FBXO16: variants seen among roughly 807,000 people sequenced by gnomAD.
FBXO16 encodes F-box protein 16, also known as F-box only protein 16.
FBXO16 carries 31 observed loss-of-function variants against 41.0 expected under a neutral mutation model. The observed-to-expected ratio is 0.76, with a 90% confidence interval of 0.57 to 1.02. The LOEUF (loss-of-function observed/expected upper bound fraction) is 1.02, where lower values mean the gene tolerates loss of function less well. FBXO16 is among the 50% of genes least tolerant of loss of function. The pLI is 0.00. For synonymous variants in FBXO16, 133 were observed against 117.8 expected (o/e 1.13, Z -0.84); for missense variants, 361 against 346.2 (o/e 1.04, Z -0.34).
intron 7 of FBXO16, among the ~76,000 whole-genome samples, chr8:28,438,965 T>G (rs1802723670): frequency 6.6e-6 from 1 of 151,494 alleles, no homozygotes. Context: ...CCGGGCGTGG[T>G]GGCAAGTGCC....
intron 2 of FBXO16, among the ~76,000 whole-genome samples, chr8:28,478,738 G>A (rs1803461685): frequency 6.6e-6 from 1 of 150,448 alleles, no homozygotes; most frequent in African/African-American, 2.5e-5. Context: ...CAGGAGAATC[G>A]CTTGAACTGG....
At chr8:28,465,148 A>G (rs1170233219) in intron 3 of FBXO16, 1 of 158,010 alleles carries the variant, frequency 6.3e-6, no homozygotes, top group Admixed American at 6.5e-5. Flanking sequence ...GGTCAACTTG[A>G]TATATATTTT....
rs377712178 is a variant in FBXO16, at chr8:28,448,207, G to A, written c.741-934C>T. ...ATTAAAAAATTTAGCTGGGCATGGT[G>A]GTGCATGCCTGTAGTTCCAGCTACT... On this transcript the variant is annotated intron_variant, in intron 6 of 8. Transcript: ENST00000380254. Among the ~76,000 whole-genome samples the A allele has an allele frequency of 2.7e-4, 41 of 151,946 alleles. No homozygotes were observed. In the East Asian group the frequency reaches 6.6e-3, roughly 24 times the overall value.
chr8:28,453,088 G>A (rs1481866284), intron 5 of FBXO16, among the ~76,000 whole-genome samples: 1 of 152,128 alleles, frequency 6.6e-6, no homozygotes, highest in East Asian at 1.9e-4. Flanking sequence ...CAGTTTTCAT[G>A]CATTATATTG....
intron 7 of FBXO16, among the ~76,000 whole-genome samples, chr8:28,433,438 AACTCGTAT>A: frequency 6.6e-6 from 1 of 152,064 alleles, no homozygotes; most frequent in East Asian, 1.9e-4. Flanking sequence ...CCCTCTTCTG[AACTCGTAT>A]ACTTGTGGTC....
intron 7 of FBXO16, among the ~76,000 whole-genome samples, chr8:28,439,094 CA>C (rs57234757): frequency 0.03 from 3,737 of 123,460 alleles, 129 homozygotes; most frequent in African/African-American, 0.093. Context: ...GAACCTGTCT[CA>C]AAAAAAAAAA....
intron 1 of FBXO16, among the ~76,000 whole-genome samples, chr8:28,487,229 A>G (rs1803616310): frequency 6.6e-6 from 1 of 152,022 alleles, no homozygotes; most frequent in Non-Finnish European, 1.5e-5. Context: ...TTGGCCATAT[A>G]GGCCTGCTGA....
At chr8:28,448,378 G>GA (rs1802900964) in intron 6 of FBXO16, among the ~76,000 whole-genome samples, 1 of 138,062 alleles carries the variant, frequency 7.2e-6, no homozygotes, top group South Asian at 2.4e-4. Context: ...AGAAAGAAAA[G>GA]AAAAAAAAGG....
intron 4 of FBXO16, among the ~76,000 whole-genome samples, chr8:28,459,206 A>C (rs1241742668): frequency 6.6e-6 from 1 of 152,166 alleles, no homozygotes; most frequent in Non-Finnish European, 1.5e-5. Context: ...TTCAGTTTTT[A>C]TTTGAAGTAT....
In FBXO16 at chr8:28,483,433, G is replaced by A. The variant is rs746099603; in HGVS notation, c.14C>T (p.Ala5Val). 1.2e-6 allele frequency: 2 copies of A among 1,613,806 alleles called. No homozygotes were observed. Among genetic ancestry groups the A allele is most frequent in the Non-Finnish European group, 8.5e-7 (1 of 1,179,834 alleles). ...GGGACCATCTGTGTTTTTTGGAGGTGCAAATGCCATCATGAAACAACTGGA... is the reference window on the plus strand; with the variant it reads ...GGGACCATCTGTGTTTTTTGGAGGTACAAATGCCATCATGAAACAACTGGA... MMAF[A>V]PPKNTDGPKM... is the part of the protein sequence containing the mutation. Residue 5 changes from alanine to valine, a missense_variant, in exon 2 of 9, where the codon GCA becomes GTA. By Grantham distance (64) the Ala-to-Val change is moderately conservative (BLOSUM62 0). Coordinates refer to ENST00000380254, the MANE Select transcript of FBXO16 (RefSeq NM_172366.4).
At chr8:28,476,400 G>A (rs1190823024) in intron 2 of FBXO16, among the ~76,000 whole-genome samples, 1 of 152,182 alleles carries the variant, frequency 6.6e-6, no homozygotes, top group Non-Finnish European at 1.5e-5. Context: ...CTCTACCCTT[G>A]ACAAGACATA....
intron 5 of FBXO16, chr8:28,456,047 A>T (rs1803033003): frequency 6.6e-6 from 1 of 152,188 alleles, no homozygotes; most frequent in South Asian, 2.1e-4. Flanking sequence ...TTTTTCAGGA[A>T]CTCATCTATT....
At chr8:28,487,216 C>T (rs1362890309) in intron 1 of FBXO16, among the ~76,000 whole-genome samples, 1 of 152,032 alleles carries the variant, frequency 6.6e-6, no homozygotes, top group Non-Finnish European at 1.5e-5. Flanking sequence ...GGAAGCAGCC[C>T]TCTTGGCCAT....
At chr8:28,433,059 C>CAAA (rs10551698) in intron 7 of FBXO16, among the ~76,000 whole-genome samples, 5 of 117,810 alleles carry the variant, frequency 4.2e-5, no homozygotes, top group African/African-American at 1.4e-4. Context: ...AGACTTCGTC[C>CAAA]AAAAAAAAAA....
Position 28,488,427 on chromosome 8 carries a change from C to T in FBXO16, c.-17+1759G>A, listed in dbSNP as rs117410220. On this transcript the variant is annotated intron_variant, in intron 1 of 8. Coordinates refer to ENST00000380254, the MANE Select transcript of FBXO16 (RefSeq NM_172366.4). ...TTCTCCATGTCAGCCTCCCAAGTAG[C>T]AGAGAATATAGGTGTGCACCACCAC... is the stretch of plus-strand genomic sequence containing the variant. Among the ~76,000 whole-genome samples, 12 of 150,728 alleles carry T rather than the reference C, an allele frequency of 8.0e-5. 1 individual carries two copies. In the East Asian group the frequency reaches 2.4e-3, roughly 30 times the overall value.
Position 28,480,187 on chromosome 8 carries a change from A to AT in FBXO16, c.99+3160dup, listed in dbSNP as rs942981198. ...TTCCTCTTTCCTCATTTCCTTTATC[A>AT]TTTTCCTTTTTCAGTCTCTCTCCAT... On this transcript the variant is annotated intron_variant, in intron 2 of 8. Coordinates refer to ENST00000380254, the MANE Select transcript of FBXO16 (RefSeq NM_172366.4). Among the ~76,000 whole-genome samples, 659 of 145,630 alleles carry AT rather than the reference A, an allele frequency of 4.5e-3. 4 individuals carry two copies. Among genetic ancestry groups the AT allele is most frequent in the African/African-American group, 0.016 (623 of 39,308 alleles).
chr8:28,475,817 A>G (rs2130186850), intron 2 of FBXO16, among the ~76,000 whole-genome samples: 1 of 152,360 alleles, frequency 6.6e-6, no homozygotes, highest in Non-Finnish European at 1.5e-5. Context: ...TAACAACAAC[A>G]AGAAAGCTTC....
chr8:28,452,125 T>C (rs1802963830), intron 6 of FBXO16, 119 bp downstream of exon 6: 2 of 955,438 alleles, frequency 2.1e-6, no homozygotes, highest in Admixed American at 5.7e-5. Flanking sequence ...TTTTTGCTTC[T>C]ATGTACTGAA....
intron 7 of FBXO16, among the ~76,000 whole-genome samples, chr8:28,433,931 A>T (rs1045176179): frequency 6.6e-6 from 1 of 150,550 alleles, no homozygotes; most frequent in African/African-American, 2.5e-5. Flanking sequence ...CAGCTTGTCT[A>T]CAGACCTGTG....
Sources: gnomAD v4.1 joint callset for allele counts (sites outside exome capture counted in the v4.1 genomes callset) on GRCh38, gnomAD v4.1.1 for gene constraint, MANE v1.5 for transcripts, NCBI Gene and HGNC (gene_info 2026-07-23, HGNC 2026-07-21) for gene names.